The following AMOTL1 variants were observed in gnomAD, a reference collection of about 807,000 sequenced individuals.
AMOTL1 encodes angiomotin-like protein 1.
AMOTL1 carries 45 observed loss-of-function variants against 102.9 expected under a neutral mutation model. The ratio of observed to expected loss-of-function variants is 0.44; its 90% CI spans 0.34 to 0.56. The LOEUF (loss-of-function observed/expected upper bound fraction) is 0.56. Ranked by LOEUF, AMOTL1 falls within the 20% of genes least tolerant of loss-of-function variation. The pLI, the probability that AMOTL1 is intolerant of heterozygous loss-of-function variation, is 0.01. For missense variants in AMOTL1, 1,114 were observed against 1,225.6 expected, an observed-to-expected ratio of 0.91 and a Z score of 1.36; for synonymous variants, 481 against 484.7, an observed-to-expected ratio of 0.99 and a Z score of 0.10.
At chr11:94,725,086 A>C (rs12791176) in intron 1 of AMOTL1, among the ~76,000 whole-genome samples, 3,616 of 152,270 alleles carry the variant, frequency 0.024, 86 homozygotes, top group East Asian at 0.1. Context: ...TAGAAGTTCC[A>C]GTGTGACTTG....
intron 3 of AMOTL1, among the ~76,000 whole-genome samples, chr11:94,743,031 T>G (rs1189916418): frequency 6.6e-6 from 1 of 152,172 alleles, no homozygotes; most frequent in East Asian, 1.9e-4. Context: ...ATATAAATAT[T>G]CAGTCTATAG....
intron 1 of AMOTL1, among the ~76,000 whole-genome samples, chr11:94,724,179 A>C (rs757463147): frequency 3.3e-5 from 5 of 152,094 alleles, no homozygotes; most frequent in African/African-American, 7.2e-5. Context: ...AGAAAGATTT[A>C]CACCCTCTAC....
chr11:94,763,923 A>C (rs1186237387), upstream of AMOTL1, among the ~76,000 whole-genome samples: 3 of 152,196 alleles, frequency 2.0e-5, no homozygotes, highest in African/African-American at 4.8e-5. Flanking sequence ...AAAAGGTTGG[A>C]AAAAAACTTC....
chr11:94,789,453 C>G (rs895519781), intron 1 of AMOTL1, among the ~76,000 whole-genome samples: 1 of 152,216 alleles, frequency 6.6e-6, no homozygotes, highest in Non-Finnish European at 1.5e-5. Flanking sequence ...GCCACCGTGC[C>G]CGGCACTGTT....
intron 8 of AMOTL1, among the ~76,000 whole-genome samples, chr11:94,856,545 A>T (rs1163639493): frequency 1.3e-5 from 2 of 152,148 alleles, no homozygotes; most frequent in Non-Finnish European, 2.9e-5. Context: ...TGTCCGGGAA[A>T]GGGGATCCAG....
At chr11:94,786,004 ATACT>A (rs1951181979) in intron 1 of AMOTL1, among the ~76,000 whole-genome samples, 2 of 152,180 alleles carry the variant, frequency 1.3e-5, no homozygotes, top group Admixed American at 6.5e-5. Flanking sequence ...TGGTCCTGAG[ATACT>A]TACTTCTATA....
At chr11:94,866,519 T>C in intron 11 of AMOTL1, 1 of 260,316 alleles carries the variant, frequency 3.8e-6, no homozygotes, top group Non-Finnish European at 7.5e-6. Flanking sequence ...GTATGACGGC[T>C]CCACCTCTGC....
At position 94,874,203 on chromosome 11, in the gene AMOTL1, T is replaced by C. The variant is rs546454496; in HGVS notation, c.*3408T>C. On this transcript the variant is annotated 3_prime_UTR_variant, in exon 13 of 13. Transcript: ENST00000433060. ...ATTAGATGCCTCTGTACATGAGAAC[T>C]ATTACTGTCTGCAGGTCCATATAGC... 2 of 152,372 alleles carry C rather than the reference T, an allele frequency of 1.3e-5. No homozygotes were observed. Among genetic ancestry groups the C allele is most frequent in the African/African-American group, 4.8e-5 (2 of 41,594 alleles). The allele number at this position is 152,372 out of a possible 1,614,324, so 9.4% of individuals were successfully genotyped here. A position where few individuals can be genotyped will look rare whatever the true frequency, so the allele number is the denominator to read the frequency against.
At chr11:94,754,962 G>T (rs1329604140) in intron 3 of AMOTL1, among the ~76,000 whole-genome samples, 2 of 152,150 alleles carry the variant, frequency 1.3e-5, no homozygotes, top group Non-Finnish European at 2.9e-5. Flanking sequence ...GCAACATCTG[G>T]GGATGCTCTG....
intron 11 of AMOTL1, among the ~76,000 whole-genome samples, chr11:94,867,061 G>A (rs971888178): frequency 7.2e-5 from 11 of 152,072 alleles, no homozygotes; most frequent in African/African-American, 2.7e-4. Context: ...ACATCAGATC[G>A]TGTTTTTGTT....
intron 3 of AMOTL1, among the ~76,000 whole-genome samples, chr11:94,757,273 C>G (rs947571255): frequency 6.6e-6 from 1 of 152,074 alleles, no homozygotes; most frequent in African/African-American, 2.4e-5. Flanking sequence ...AAGCACTGGA[C>G]TAAGAGCTTT....
At chr11:94,809,998 A>G (rs1951643155) in intron 3 of AMOTL1, among the ~76,000 whole-genome samples, 1 of 152,240 alleles carries the variant, frequency 6.6e-6, no homozygotes, top group Admixed American at 6.5e-5. Context: ...TTATAGATTC[A>G]TAACACCTCT....
intron 1 of AMOTL1, among the ~76,000 whole-genome samples, chr11:94,718,616 A>G (rs909836956): frequency 6.6e-6 from 1 of 151,924 alleles, no homozygotes; most frequent in Non-Finnish European, 1.5e-5. Flanking sequence ...TGCCAATGTG[A>G]TAAGTGAAAA....
Position 94,853,207 on chromosome 11 carries a change from T to C in AMOTL1, c.1795-726T>C, listed in dbSNP as rs578227983. Among the ~76,000 whole-genome samples, 56 of 151,888 alleles carry C rather than the reference T, an allele frequency of 3.7e-4. No individual in the cohort carries two copies. In the South Asian group the frequency reaches 0.011, roughly 29 times the overall value. On this transcript the variant is annotated intron_variant, in intron 7 of 12. Transcript: ENST00000433060. ...TGTAGATTTGTTACATAGGTCTACATGTGCCATGGTGGTTTGCTGCACCTA... is the reference window on the plus strand; with the variant it reads ...TGTAGATTTGTTACATAGGTCTACACGTGCCATGGTGGTTTGCTGCACCTA...
chr11:94,811,064 A>T (rs183482199), intron 3 of AMOTL1, among the ~76,000 whole-genome samples: 2 of 152,142 alleles, frequency 1.3e-5, no homozygotes, highest in Admixed American at 6.5e-5. Flanking sequence ...GTGACAAAAA[A>T]TTGGGGGCAG....
chr11:94,823,776 C>T (rs1404363435), intron 4 of AMOTL1, among the ~76,000 whole-genome samples: 1 of 150,290 alleles, frequency 6.7e-6, no homozygotes, highest in Non-Finnish European at 1.5e-5. Context: ...AGTGCAGTGG[C>T]GCGATCTCGG....
chr11:94,798,817 G>T (rs1242454177), intron 2 of AMOTL1, among the ~76,000 whole-genome samples: 1 of 152,142 alleles, frequency 6.6e-6, no homozygotes, highest in Non-Finnish European at 1.5e-5. Context: ...AACCAACCAT[G>T]TCAAATGCTT....
chr11:94,816,161 G>A (rs938455387), intron 3 of AMOTL1, among the ~76,000 whole-genome samples: 1 of 152,062 alleles, frequency 6.6e-6, no homozygotes, highest in Admixed American at 6.6e-5. Flanking sequence ...GTATCTTGCT[G>A]TTTCAGCTTC....
intron 6 of AMOTL1, among the ~76,000 whole-genome samples, chr11:94,837,074 G>A (rs1205571087): frequency 6.6e-6 from 1 of 152,210 alleles, no homozygotes; most frequent in Non-Finnish European, 1.5e-5. Context: ...GATCAAGAAA[G>A]TTGTCTTAAC....
Sources: allele counts gnomAD v4.1 joint callset (sites outside exome capture counted in the v4.1 genomes callset), GRCh38; gene constraint gnomAD v4.1.1; transcripts MANE v1.5; gene names NCBI Gene and HGNC (gene_info 2026-07-23, HGNC 2026-07-21).